The following FER1L6 variants were observed in gnomAD, a reference collection of about 807,000 sequenced individuals.
The protein encoded by FER1L6 is fer-1 like family member 6.
FER1L6 carries 177 observed loss-of-function variants against 219.2 expected under a neutral mutation model. That is an observed-to-expected ratio of 0.81 (90% CI 0.71 to 0.91). The LOEUF (loss-of-function observed/expected upper bound fraction) is 0.91. Among genes scored for constraint, FER1L6 ranks in the 40% least tolerant of loss-of-function variants. The pLI, the probability that FER1L6 is intolerant of heterozygous loss-of-function variation, is 0.00. For synonymous variants in FER1L6, 768 were observed against 824.3 expected (o/e 0.93, Z 1.17); for missense variants, 2,153 against 2,259.9 (o/e 0.95, Z 0.96).
chr8:123,929,657 G>T (rs1198816188), intron 1 of FER1L6, among the ~76,000 whole-genome samples: 1 of 152,132 alleles, frequency 6.6e-6, no homozygotes, highest in Non-Finnish European at 1.5e-5. Context: ...ATCCTGATTG[G>T]AGACACGGTA....
intron 1 of FER1L6, among the ~76,000 whole-genome samples, chr8:123,908,536 A>G (rs1368919292): frequency 6.6e-6 from 1 of 152,264 alleles, no homozygotes; most frequent in Non-Finnish European, 1.5e-5. Context: ...GGAAAATATT[A>G]TCACAGATGA....
At chr8:124,118,601 G>A (rs1426094556) in intron 39 of FER1L6, among the ~76,000 whole-genome samples, 2 of 152,214 alleles carry the variant, frequency 1.3e-5, no homozygotes, top group Non-Finnish European at 2.9e-5. Context: ...GTGTGTCTGT[G>A]TGGACACATG....
At chr8:124,038,520 C>G (rs924080779) in intron 19 of FER1L6, among the ~76,000 whole-genome samples, 1 of 152,162 alleles carries the variant, frequency 6.6e-6, no homozygotes, top group Admixed American at 6.5e-5. Context: ...CAGGTGCTCA[C>G]CACAGGCTCA....
rs112476474 is a variant in FER1L6 at position 124,093,193 on chromosome 8, G to A, written c.4552+1610G>A. On this transcript the variant is annotated intron_variant, in intron 34 of 40. Transcript: ENST00000522917. ...ACGAGAACAGCACTAGGGGGATTGT[G>A]CTAAACCATCTGTGAGAAACTGCCC... Among the ~76,000 whole-genome samples, 594 of 152,078 alleles carry A rather than the reference G, an allele frequency of 3.9e-3. 2 individuals carry two copies. Among genetic ancestry groups the A allele is most frequent in the Middle Eastern group, 6.8e-3 (2 of 294 alleles).
At chr8:123,981,539 C>T (rs992949675) in intron 11 of FER1L6, among the ~76,000 whole-genome samples, 2 of 152,040 alleles carry the variant, frequency 1.3e-5, no homozygotes, top group Admixed American at 1.3e-4. Context: ...GTCAACTAGG[C>T]GATAATTTCG....
intron 29 of FER1L6, among the ~76,000 whole-genome samples, chr8:124,070,060 C>G (rs1821001374): frequency 6.6e-6 from 1 of 152,086 alleles, no homozygotes; most frequent in Non-Finnish European, 1.5e-5. Flanking sequence ...TGTCTATATG[C>G]ATTACAATAA....
intron 1 of FER1L6, among the ~76,000 whole-genome samples, chr8:123,929,990 T>C (rs1813709474): frequency 6.6e-6 from 1 of 150,384 alleles, no homozygotes; most frequent in African/African-American, 2.5e-5. Context: ...AGAATTGAAA[T>C]TTTTATTGAG....
chr8:123,986,041 C>T, intron 11 of FER1L6, 27 bp from the exon 12 acceptor site: 1 of 1,327,416 alleles, frequency 7.5e-7, no homozygotes, highest in Non-Finnish European at 1.1e-6. Flanking sequence ...GCCAGTTCTG[C>T]CTAATAATTT....
In FER1L6 at chr8:124,026,099, T is replaced by A. The variant is rs1360094113; in HGVS notation, c.2286+2503T>A. On this transcript the variant is annotated intron_variant, in intron 18 of 40. Coordinates refer to ENST00000522917, the MANE Select transcript of FER1L6 (RefSeq NM_001039112.2). The stretch of plus-strand genomic sequence containing the variant: ...CCTTCTGGGTGGGCCCTTATAGACA[T>A]GTATCTCTGGACAGATTCTACTGTC... Among the ~76,000 whole-genome samples, 5 of 152,286 alleles carry A rather than the reference T, an allele frequency of 3.3e-5. No homozygotes were observed. The East Asian group carries it at 9.6e-4, about 29-fold the overall frequency.
Position 124,114,894 on chromosome 8 carries a change from CGTAT to C in FER1L6, c.5290-3949_5290-3946del, listed in dbSNP as rs1465838877. On this transcript the variant is annotated intron_variant, in intron 39 of 40. Transcript: ENST00000522917. ...TACATATATATGCAGTGTGTGTGTG[CGTAT>C]ATATATATATATATATATATATATA... Among the ~76,000 whole-genome samples the C allele has an allele frequency of 5.5e-4, 17 of 30,966 alleles. No homozygotes were observed. In the East Asian group the frequency reaches 6.0e-3, roughly 11 times the overall value. The allele number at this position is 30,966 out of a possible 152,430, so 20.3% of individuals were successfully genotyped here. A position where few individuals can be genotyped will look rare whatever the true frequency, so the allele number is the denominator to read the frequency against.
Position 124,078,706 on chromosome 8 carries a change from A to ACACC in FER1L6, c.4220+2381_4220+2382insCACC, listed in dbSNP as rs137862524. Among the ~76,000 whole-genome samples the ACACC allele has an allele frequency of 2.0e-5, 3 of 151,830 alleles. No individual in the cohort carries two copies. The South Asian group carries it at 6.2e-4, about 32-fold the overall frequency. ...TGTGAAGACCCTGGGAAGGCATCCC[A>ACACC]GGTGGGATGGGATGGGTGGGAAGGG... On this transcript the variant is annotated intron_variant, in intron 32 of 40. Coordinates refer to ENST00000522917, the MANE Select transcript of FER1L6 (RefSeq NM_001039112.2).
chr8:124,101,470 C>A, intron 38 of FER1L6, 132 bp downstream of exon 38: 2 of 755,114 alleles, frequency 2.6e-6, no homozygotes, highest in Non-Finnish European at 4.2e-6. Flanking sequence ...CTGGAAACAT[C>A]CCAAATAGCC....
intron 18 of FER1L6, among the ~76,000 whole-genome samples, chr8:124,031,778 C>T (rs1429742039): frequency 1.3e-5 from 2 of 151,954 alleles, no homozygotes; most frequent in Non-Finnish European, 2.9e-5. Flanking sequence ...TTTTCTGAGC[C>T]CCAGTTGAGG....
At position 124,067,829 on chromosome 8, in the gene FER1L6, T is replaced by C. The variant is rs780262526; in HGVS notation, c.3718+23T>C. The C allele has an allele frequency of 9.1e-5, 146 of 1,602,060 alleles. 1 individual carries two copies. In the South Asian group the frequency reaches 1.5e-3, roughly 17 times the overall value. ...CAGGTAAGCAGTTATTCTGGGGACA[T>C]TTGTCCATAGAATAGGGCCATCGTT... On this transcript the variant is annotated intron_variant, in intron 28 of 40. Transcript: ENST00000522917.
At chr8:123,960,807 A>C (rs1484363143) in intron 2 of FER1L6, among the ~76,000 whole-genome samples, 1 of 152,156 alleles carries the variant, frequency 6.6e-6, no homozygotes, top group Middle Eastern at 3.2e-3. Context: ...TAATGTAATC[A>C]TATCAGCAAA....
chr8:123,973,583 C>A, intron 7 of FER1L6, 71 bp downstream of exon 7: 1 of 1,097,326 alleles, frequency 9.1e-7, no homozygotes, highest in Non-Finnish European at 1.4e-6. Flanking sequence ...TCATCCCATT[C>A]ATTCACTCAC....
intron 15 of FER1L6, among the ~76,000 whole-genome samples, chr8:124,014,859 G>A (rs2130588551): frequency 6.6e-6 from 1 of 152,256 alleles, no homozygotes; most frequent in Middle Eastern, 3.4e-3. Context: ...GTGGGTCAGG[G>A]GTCCAGGTGT....
intron 31 of FER1L6, among the ~76,000 whole-genome samples, chr8:124,075,974 T>C (rs1821266949): frequency 6.6e-6 from 1 of 152,202 alleles, no homozygotes; most frequent in Non-Finnish European, 1.5e-5. Flanking sequence ...ATAATTTTTC[T>C]TTTTAGCAGC....
At chr8:123,977,692 C>A in intron 10 of FER1L6, 83 bp downstream of exon 10, 2 of 1,215,920 alleles carry the variant, frequency 1.6e-6, no homozygotes, top group Non-Finnish European at 2.3e-6. Context: ...TGGGCTAGAG[C>A]AGCAGTCCCC....
Sources: gnomAD v4.1 joint callset for allele counts (sites outside exome capture counted in the v4.1 genomes callset) on GRCh38, gnomAD v4.1.1 for gene constraint, MANE v1.5 for transcripts, NCBI Gene and HGNC (gene_info 2026-07-23, HGNC 2026-07-21) for gene names.